The following NAALADL2 variants were observed in gnomAD, a reference collection of about 807,000 sequenced individuals.
NAALADL2 encodes the protein N-acetylated alpha-linked acidic dipeptidase like 2, also known as inactive N-acetylated-alpha-linked acidic dipeptidase-like protein 2.
In NAALADL2, 76 loss-of-function variants were observed where a neutral mutation model predicts 87.2. The ratio of observed to expected loss-of-function variants is 0.87; its 90% confidence interval spans 0.72 to 1.05. The LOEUF (loss-of-function observed/expected upper bound fraction) is 1.05. Ranked by LOEUF, NAALADL2 falls within the 50% of genes least tolerant of loss-of-function variation. The probability of loss-of-function intolerance (pLI) is 0.00; values close to 1 mark genes in which losing one functional copy is unlikely to be tolerated. For synonymous variants in NAALADL2, 354 were observed against 331.0 expected (o/e 1.07, Z -0.75); for missense variants, 1,089 against 945.8 (o/e 1.15, Z -1.99).
At chr3:175,521,415 T>C (rs893359102) in intron 9 of NAALADL2, among the ~76,000 whole-genome samples, 5 of 152,218 alleles carry the variant, frequency 3.3e-5, no homozygotes, top group Admixed American at 2.0e-4. Flanking sequence ...ACTTTTTTTT[T>C]CCAGTGAATA....
chr3:175,346,802 G>T (rs1212853519), intron 5 of NAALADL2, among the ~76,000 whole-genome samples: 3 of 152,174 alleles, frequency 2.0e-5, no homozygotes, highest in Non-Finnish European at 4.4e-5. Context: ...AGCAGAAACT[G>T]TGTTCCTTGT....
intron 2 of NAALADL2, among the ~76,000 whole-genome samples, chr3:174,663,411 A>G (rs566504094): frequency 2.8e-4 from 43 of 152,284 alleles, no homozygotes; most frequent in Middle Eastern, 3.4e-3. Context: ...TTGGCTTCCA[A>G]TTCTGCAGGC....
intron 3 of NAALADL2, among the ~76,000 whole-genome samples, chr3:174,833,579 A>G (rs533084882): frequency 6.6e-6 from 1 of 152,212 alleles, no homozygotes; most frequent in South Asian, 2.1e-4. Context: ...GATTAAACAT[A>G]AAACTAGACA....
chr3:175,745,174 C>T (rs1284014298), intron 12 of NAALADL2, among the ~76,000 whole-genome samples: 1 of 152,126 alleles, frequency 6.6e-6, no homozygotes, highest in South Asian at 2.1e-4. Context: ...GGATAATTTA[C>T]CAGTGAATAA....
intron 3 of NAALADL2, among the ~76,000 whole-genome samples, chr3:174,838,166 C>G (rs1239832205): frequency 1.3e-5 from 2 of 151,790 alleles, no homozygotes; most frequent in African/African-American, 4.8e-5. Flanking sequence ...GGTTTCATAC[C>G]AGGGATGCAG....
chr3:174,719,778 A>C (rs1188416858), intron 2 of NAALADL2, among the ~76,000 whole-genome samples: 13 of 152,132 alleles, frequency 8.5e-5, no homozygotes, highest in Admixed American at 7.9e-4. Context: ...AAGCTGACTG[A>C]ATTTGGCAGT....
intron 11 of NAALADL2, among the ~76,000 whole-genome samples, chr3:175,633,959 A>G (rs965254069): frequency 6.6e-6 from 1 of 151,900 alleles, no homozygotes; most frequent in Admixed American, 6.6e-5. Flanking sequence ...TTTCCATTAT[A>G]TATGTGAAGA....
intron 2 of NAALADL2, among the ~76,000 whole-genome samples, chr3:175,182,740 C>T (rs1319283889): frequency 3.3e-5 from 5 of 151,418 alleles, no homozygotes; most frequent in African/African-American, 9.7e-5. Context: ...TTTAGTTTGA[C>T]ATAATACCAT....
intron 4 of NAALADL2, among the ~76,000 whole-genome samples, chr3:175,316,028 T>C (rs557601648): frequency 3.3e-5 from 5 of 152,332 alleles, no homozygotes; most frequent in African/African-American, 1.2e-4. Context: ...TGGTTTTTCA[T>C]TTAGAGCAGA....
intron 11 of NAALADL2, among the ~76,000 whole-genome samples, chr3:175,652,268 G>A (rs1730862430): frequency 1.3e-5 from 2 of 152,232 alleles, no homozygotes; most frequent in African/African-American, 4.8e-5. Context: ...GGGAGGCAGT[G>A]AAGGTAAAAG....
chr3:175,787,769 A>C (rs1351002675), intron 13 of NAALADL2, among the ~76,000 whole-genome samples: 1 of 152,228 alleles, frequency 6.6e-6, no homozygotes, highest in East Asian at 1.9e-4. Context: ...AAAGATATAA[A>C]AAAAAGAAAA....
chr3:174,634,598 A>G (rs1019543612), intron 2 of NAALADL2, among the ~76,000 whole-genome samples: 3 of 152,176 alleles, frequency 2.0e-5, no homozygotes, highest in Non-Finnish European at 4.4e-5. Context: ...ACAGATCCCC[A>G]TCATGACCTT....
chr3:175,337,874 G>A (rs984895305), intron 5 of NAALADL2, among the ~76,000 whole-genome samples: 3 of 152,244 alleles, frequency 2.0e-5, no homozygotes, highest in Non-Finnish European at 2.9e-5. Flanking sequence ...TTCCTGATTA[G>A]GTGTAAGTAA....
At chr3:175,348,192 C>T (rs1222803078) in intron 5 of NAALADL2, among the ~76,000 whole-genome samples, 1 of 152,104 alleles carries the variant, frequency 6.6e-6, no homozygotes, top group African/African-American at 2.4e-5. Context: ...GCTGGGATTA[C>T]AGTCATGTGC....
chr3:174,674,305 C>T (rs1028036951), intron 2 of NAALADL2, among the ~76,000 whole-genome samples: 2 of 151,996 alleles, frequency 1.3e-5, no homozygotes, highest in South Asian at 4.1e-4. Flanking sequence ...CCAGACCCCA[C>T]CTCCAATACT....
chr3:175,140,715 T>G (rs944067169), intron 2 of NAALADL2, among the ~76,000 whole-genome samples: 2 of 152,044 alleles, frequency 1.3e-5, no homozygotes, highest in Non-Finnish European at 1.5e-5. Context: ...ATAGACAGGG[T>G]CCTCGCTACA....
intron 5 of NAALADL2, among the ~76,000 whole-genome samples, chr3:175,398,925 C>A (rs1206144647): frequency 1.3e-5 from 2 of 151,814 alleles, no homozygotes; most frequent in Non-Finnish European, 2.9e-5. Context: ...AAAGCAAAAA[C>A]AAGTTTATTA....
chr3:175,794,945 C>T (rs564544893), intron 13 of NAALADL2, among the ~76,000 whole-genome samples: 2 of 152,156 alleles, frequency 1.3e-5, no homozygotes, highest in African/African-American at 2.4e-5. Context: ...GGTTCTGGAG[C>T]GGGTACTCTG....
intron 4 of NAALADL2, among the ~76,000 whole-genome samples, chr3:175,278,742 C>G (rs1204148898): frequency 2.6e-5 from 4 of 152,098 alleles, no homozygotes; most frequent in Non-Finnish European, 5.9e-5. Flanking sequence ...GGTCGATAAA[C>G]TGAGGGAGGG....
Sources: allele counts gnomAD v4.1 joint callset (sites outside exome capture counted in the v4.1 genomes callset), GRCh38; gene constraint gnomAD v4.1.1; transcripts MANE v1.5; gene names NCBI Gene and HGNC (gene_info 2026-07-23, HGNC 2026-07-21).